PLCB4: variants seen among roughly 807,000 people sequenced by gnomAD.
PLCB4 encodes the protein phospholipase C beta 4, also known as 1-phosphatidylinositol 4,5-bisphosphate phosphodiesterase beta-4.
PLCB4 carries 77 observed loss-of-function variants against 178.8 expected under a neutral mutation model. That is an observed-to-expected ratio of 0.43 (90% CI 0.36 to 0.52). The LOEUF is 0.52. PLCB4 is among the 20% of genes least tolerant of loss of function. PLCB4 has a pLI of 0.00. For synonymous variants in PLCB4, 496 were observed against 490.8 expected, an observed-to-expected ratio of 1.01 and a Z score of -0.14; for missense variants, 1,024 against 1,453.4, an observed-to-expected ratio of 0.70 and a Z score of 4.80.
At chr20:9,403,188 G>A (rs139885997) in intron 20 of PLCB4, among the ~76,000 whole-genome samples, 1 of 152,000 alleles carries the variant, frequency 6.6e-6, no homozygotes, top group Admixed American at 6.6e-5. Flanking sequence ...ATGATCACTG[G>A]CGTCATTATC....
At chr20:9,409,409 A>G (rs1448491382) in intron 24 of PLCB4, among the ~76,000 whole-genome samples, 1 of 152,082 alleles carries the variant, frequency 6.6e-6, no homozygotes, top group Non-Finnish European at 1.5e-5. Context: ...TTCCTTTCAT[A>G]AATGCCATGA....
At chr20:9,238,620 G>A (rs1020934517) in intron 3 of PLCB4, among the ~76,000 whole-genome samples, 5 of 152,182 alleles carry the variant, frequency 3.3e-5, no homozygotes, top group Admixed American at 1.3e-4. Flanking sequence ...ATTTTCCAGA[G>A]CATAAAAGGA....
intron 2 of PLCB4, among the ~76,000 whole-genome samples, chr20:9,190,948 T>C (rs1456553195): frequency 6.6e-6 from 1 of 152,124 alleles, no homozygotes; most frequent in Non-Finnish European, 1.5e-5. Context: ...CCCCTCCTCC[T>C]TGATATACTT....
intron 38 of PLCB4, among the ~76,000 whole-genome samples, chr20:9,476,507 C>T (rs988783244): frequency 9.9e-5 from 15 of 152,062 alleles, no homozygotes; most frequent in African/African-American, 3.1e-4. Flanking sequence ...GAATGACAGG[C>T]GTTGGTTGTT....
chr20:9,191,081 A>AT lies in PLCB4; in HGVS notation c.-78-26306dup, dbSNP rs547812885. On this transcript the variant is annotated intron_variant, in intron 2 of 39. Coordinates refer to ENST00000378473, the MANE Select transcript of PLCB4 (RefSeq NM_001377142.1). ...AAATGCAGTTCTGCTAAATACTAACATTTCAAAGCAGAGACAGTTGTTTCT... is the reference window on the plus strand; with the variant it reads ...AAATGCAGTTCTGCTAAATACTAACATTTTCAAAGCAGAGACAGTTGTTTCT... 1.7e-4 allele frequency among the ~76,000 whole-genome samples: 26 copies of AT among 152,364 alleles called. No individual in the cohort carries two copies. In the East Asian group the frequency reaches 3.7e-3, roughly 21 times the overall value.
chr20:9,139,781 T>C (rs995293323), intron 2 of PLCB4, among the ~76,000 whole-genome samples: 4 of 152,080 alleles, frequency 2.6e-5, no homozygotes, highest in African/African-American at 9.7e-5. Flanking sequence ...GAAACTTTCA[T>C]AAGTGTTCGT....
At chr20:9,195,719 C>A (rs2093463184) in intron 2 of PLCB4, among the ~76,000 whole-genome samples, 1 of 152,096 alleles carries the variant, frequency 6.6e-6, no homozygotes, top group Non-Finnish European at 1.5e-5. Context: ...ACCAACTTTC[C>A]CGGCTCTCCA....
intron 3 of PLCB4, among the ~76,000 whole-genome samples, chr20:9,304,535 G>A (rs2094742938): frequency 6.6e-6 from 1 of 152,130 alleles, no homozygotes; most frequent in Non-Finnish European, 1.5e-5. Context: ...GTTACTTTGA[G>A]TTATTTAAGT....
intron 3 of PLCB4, among the ~76,000 whole-genome samples, chr20:9,273,113 C>T (rs565035321): frequency 1.6e-4 from 24 of 152,150 alleles, no homozygotes; most frequent in Admixed American, 1.2e-3. Flanking sequence ...GAATGTTTGA[C>T]GTAGGTCAAG....
chr20:9,317,238 C>T (rs781566424), intron 4 of PLCB4, among the ~76,000 whole-genome samples: 10 of 152,138 alleles, frequency 6.6e-5, no homozygotes, highest in Non-Finnish European at 1.3e-4. Flanking sequence ...TTTTACTCCT[C>T]GTGTTCTTTT....
rs200338174 is a variant in PLCB4 at position 9,468,538 on chromosome 20, C to A, written c.3249-33C>A. ...ATTAAACACAAACTCTCCATCCCCC[C>A]TCCCTGTTTGTTTTCTTGTTTTTAA... On this transcript the variant is annotated intron_variant, in intron 35 of 39. Transcript: ENST00000378473. 151 of 1,292,146 alleles carry A rather than the reference C, an allele frequency of 1.2e-4. 1 individual carries two copies. The East Asian group carries it at 3.4e-3, about 29-fold the overall frequency. The allele number at this position is 1,292,146 out of a possible 1,614,324, so 80.0% of individuals were successfully genotyped here. A position where few individuals can be genotyped will look rare whatever the true frequency, so the allele number is the denominator to read the frequency against.
intron 7 of PLCB4, among the ~76,000 whole-genome samples, chr20:9,351,333 G>A (rs1418108867): frequency 6.6e-6 from 1 of 151,996 alleles, no homozygotes; most frequent in Non-Finnish European, 1.5e-5. Flanking sequence ...AAGGAAGAAA[G>A]CTATTCAGCT....
chr20:9,402,065 T>TA (rs1243862146), intron 20 of PLCB4, among the ~76,000 whole-genome samples: 49 of 152,234 alleles, frequency 3.2e-4, no homozygotes, highest in Non-Finnish European at 6.3e-4. Flanking sequence ...TACTTACCTT[T>TA]TGTCAGGCAT....
chr20:9,469,932 G>C (rs2122624004), intron 36 of PLCB4, among the ~76,000 whole-genome samples: 1 of 152,300 alleles, frequency 6.6e-6, no homozygotes, highest in African/African-American at 2.4e-5. Flanking sequence ...ATAACCAAGA[G>C]CCTGGATTAC....
intron 2 of PLCB4, among the ~76,000 whole-genome samples, chr20:9,174,452 C>CT (rs71184133): frequency 1.3e-3 from 184 of 141,370 alleles, no homozygotes; most frequent in Middle Eastern, 7.6e-3. Flanking sequence ...GCCTATTCTT[C>CT]TTTTTTTTTT....
chr20:9,399,216 G>C (rs1165072051), intron 19 of PLCB4, among the ~76,000 whole-genome samples: 1 of 151,988 alleles, frequency 6.6e-6, no homozygotes, highest in African/African-American at 2.4e-5. Context: ...TTGAGATTTG[G>C]GTTAAGTCTT....
intron 2 of PLCB4, among the ~76,000 whole-genome samples, chr20:9,207,149 C>T (rs1292512668): frequency 6.6e-6 from 1 of 152,058 alleles, no homozygotes; most frequent in East Asian, 1.9e-4. Context: ...AACCAATACC[C>T]AAAACAAACG....
intron 2 of PLCB4, chr20:9,166,411 C>T (rs2092971557): frequency 6.6e-6 from 1 of 152,134 alleles, no homozygotes; most frequent in Non-Finnish European, 1.5e-5. Context: ...TTGAAAGAGT[C>T]TCTCTCAGCC....
intron 3 of PLCB4, among the ~76,000 whole-genome samples, chr20:9,306,412 G>T (rs1046455978): frequency 6.6e-6 from 1 of 151,950 alleles, no homozygotes; most frequent in East Asian, 1.9e-4. Flanking sequence ...CACTGAGCCC[G>T]GCGTGGTGTT....
Sources: allele counts gnomAD v4.1 joint callset (sites outside exome capture counted in the v4.1 genomes callset), GRCh38; gene constraint gnomAD v4.1.1; transcripts MANE v1.5; gene names NCBI Gene and HGNC (gene_info 2026-07-23, HGNC 2026-07-21).